IFT56: variants seen among roughly 807,000 people sequenced by gnomAD.
IFT56 encodes intraflagellar transport protein 56.
At chr7:139,150,154 A>T in the IFT56 span, among the ~76,000 whole-genome samples, 4 of 152,198 alleles carry the variant, frequency 2.6e-5, no homozygotes, top group Non-Finnish European at 5.9e-5. Flanking sequence ...CTTATATATT[A>T]AATAAAATGC....
At chr7:139,169,005 T>C in the IFT56 span, among the ~76,000 whole-genome samples, 1 of 152,196 alleles carries the variant, frequency 6.6e-6, no homozygotes, top group Non-Finnish European at 1.5e-5. Context: ...GTCTGATATA[T>C]GGTAAAAGAG....
chr7:139,160,900 GAACT>G, the IFT56 span: 1 of 1,426,138 alleles, frequency 7.0e-7, no homozygotes, highest in Non-Finnish European at 9.8e-7. Flanking sequence ...TGTGGTATAA[GAACT>G]ATACACTTGT....
chr7:139,189,535 T>A, the IFT56 span: 8 of 797,754 alleles, frequency 1.0e-5, no homozygotes, highest in Non-Finnish European at 1.6e-5. Context: ...TTTATTGACA[T>A]TTTCCTTCCT....
At chr7:139,173,563 A>G in the IFT56 span, 10 of 801,108 alleles carry the variant, frequency 1.2e-5, no homozygotes, top group Non-Finnish European at 2.3e-5. Context: ...GTTCATATGG[A>G]TAGAGTAAAA....
the IFT56 span, chr7:139,165,299 TGGA>T: frequency 1.9e-6 from 2 of 1,048,870 alleles, no homozygotes; most frequent in Non-Finnish European, 2.8e-6. Flanking sequence ...ATATGTCTGA[TGGA>T]ACTATTTGCT....
the IFT56 span, chr7:139,142,361 C>A: frequency 6.8e-7 from 1 of 1,480,316 alleles, no homozygotes; most frequent in Non-Finnish European, 9.3e-7. Context: ...TATTTTTCTT[C>A]CTTCTTGTTA....
the IFT56 span, among the ~76,000 whole-genome samples, chr7:139,143,910 A>G: frequency 6.6e-6 from 1 of 152,142 alleles, no homozygotes; most frequent in African/African-American, 2.4e-5. Flanking sequence ...GATATTGATT[A>G]GTACTTTTAC....
At chr7:139,139,627 C>A in the IFT56 span, among the ~76,000 whole-genome samples, 790 of 152,124 alleles carry the variant, frequency 5.2e-3, 7 homozygotes, top group South Asian at 7.0e-3. Context: ...CTTTTTGTTT[C>A]TATTGTTTGT....
chr7:139,173,566 G>A, the IFT56 span: 1 of 803,754 alleles, frequency 1.2e-6, no homozygotes, highest in East Asian at 2.4e-5. Flanking sequence ...CATATGGATA[G>A]AGTAAAACCA....
chr7:139,148,358 A>G, the IFT56 span: 1 of 1,611,690 alleles, frequency 6.2e-7, no homozygotes, highest in South Asian at 1.1e-5. Context: ...TTTCGCCTTT[A>G]CAATGGCAGA....
chr7:139,153,577 CAT>C, the IFT56 span, among the ~76,000 whole-genome samples: 17 of 152,254 alleles, frequency 1.1e-4, no homozygotes, highest in Non-Finnish European at 2.5e-4. Context: ...TATATGGAAT[CAT>C]ATAATATTTG....
the IFT56 span, among the ~76,000 whole-genome samples, chr7:139,169,834 G>A: frequency 6.6e-6 from 1 of 152,196 alleles, no homozygotes. Flanking sequence ...AACATAGGAA[G>A]ACCCCATCTC....
At chr7:139,152,564 A>G in the IFT56 span, among the ~76,000 whole-genome samples, 2 of 152,248 alleles carry the variant, frequency 1.3e-5, no homozygotes, top group African/African-American at 2.4e-5. Flanking sequence ...ACCCTAATAT[A>G]TATTTTAAAT....
At chr7:139,174,146 C>T in the IFT56 span, 1 of 593,742 alleles carries the variant, frequency 1.7e-6, no homozygotes, top group South Asian at 1.4e-5. Context: ...TCATCAGTAT[C>T]ATGAAGCACA....
the IFT56 span, chr7:139,168,528 T>G: frequency 1.5e-6 from 1 of 671,026 alleles, no homozygotes; most frequent in Non-Finnish European, 2.7e-6. Flanking sequence ...TATCCCCCAA[T>G]CCAGACTCCA....
chr7:139,136,598 G>C, the IFT56 span, among the ~76,000 whole-genome samples: 14 of 151,946 alleles, frequency 9.2e-5, no homozygotes, highest in Non-Finnish European at 1.8e-4. Flanking sequence ...CTACAGGCAC[G>C]TGCCACTATA....
the IFT56 span, among the ~76,000 whole-genome samples, chr7:139,156,984 A>C: frequency 6.6e-6 from 1 of 152,182 alleles, no homozygotes; most frequent in East Asian, 1.9e-4. Flanking sequence ...TTCTAAAACA[A>C]GCCTGCCAAA....
chr7:139,178,457 G>C, the IFT56 span: 1 of 1,518,060 alleles, frequency 6.6e-7, no homozygotes. Context: ...TGGTATAACT[G>C]ATGGTTATAT....
chr7:139,157,885 A>C, the IFT56 span, among the ~76,000 whole-genome samples: 1 of 152,024 alleles, frequency 6.6e-6, no homozygotes, highest in Non-Finnish European at 1.5e-5. Flanking sequence ...ATGTTTTTCT[A>C]TATATATAAT....
Sources: allele counts gnomAD v4.1 joint callset (sites outside exome capture counted in the v4.1 genomes callset), GRCh38; gene constraint gnomAD v4.1.1; transcripts MANE v1.5; gene names NCBI Gene and HGNC (gene_info 2026-07-23, HGNC 2026-07-21).